Variants in ZZEF1 observed in about 807,000 individuals in gnomAD.
ZZEF1 encodes the protein zinc finger ZZ-type and EF-hand domain containing 1.
Under a neutral mutation model 342.8 loss-of-function variants are expected in ZZEF1, and 157 were observed. The observed-to-expected ratio is 0.46, with a 90% CI of 0.40 to 0.52. ZZEF1 has a LOEUF of 0.52. ZZEF1 is among the 20% of genes least tolerant of loss of function. The pLI is 0.00. For synonymous variants in ZZEF1, 1,505 were observed against 1,429.1 expected (o/e 1.05, Z -1.20); for missense variants, 3,480 against 3,725.6 (o/e 0.93, Z 1.72).
intron 11 of ZZEF1, among the ~76,000 whole-genome samples, chr17:4,092,080 A>C (rs1295135589): frequency 3.5e-5 from 1 of 28,580 alleles, no homozygotes; most frequent in African/African-American, 6.3e-5. Context: ...CCACCTCAAA[A>C]AAAAAAAAAA....
chr17:4,116,855 CT>C, intron 3 of ZZEF1, 116 bp downstream of exon 3: 1 of 1,093,040 alleles, frequency 9.1e-7, no homozygotes, highest in Non-Finnish European at 1.3e-6. Context: ...ACGTTACAAA[CT>C]CATGACTCTG....
rs1461775044 is a variant in ZZEF1, at chr17:4,014,487, T to C, written c.8174A>G (p.Tyr2725Cys). The change falls in exon 50 of 55, where the codon TAC becomes TGC. Residue 2725 changes from tyrosine to cysteine, a missense_variant. Coordinates refer to ENST00000381638, the MANE Select transcript of ZZEF1 (RefSeq NM_015113.4). This position sits in a 1 kb window ranked among gnomAD's most constrained non-coding sequence, Gnocchi z 4.4. Reference protein sequence around the residue: ...EDKVHIPGAIYLSIKFDSQCN... With the variant: ...EDKVHIPGAICLSIKFDSQCN... ...CTGAGAGTCGAATTTGATTGAGAGG[T>C]AGATGGCACCAGGAATGTGAACTTT... 1.9e-6 allele frequency: 3 copies of C among 1,613,898 alleles called. No homozygotes were observed. Among genetic ancestry groups the C allele is most frequent in the Non-Finnish European group, 2.5e-6 (3 of 1,180,006 alleles).
At position 4,067,204 on chromosome 17, in the gene ZZEF1, C is replaced by T; in HGVS notation, c.4114G>A (p.Ala1372Thr). 2 of 1,613,402 alleles carry T rather than the reference C, an allele frequency of 1.2e-6. 1 individual carries two copies. Among genetic ancestry groups the T allele is most frequent in the South Asian group, 2.2e-5 (2 of 90,942 alleles). ...CCATCTGCCAAGGAATAAACCTGGG[C>T]AAACTCTTCACTCAGGGCTATTTTG... ...GGKIALSEEF[A>T]QVYSLADGIR... is the part of the protein sequence containing the mutation. The change falls in exon 27 of 55, where the codon GCC becomes ACC. Residue 1372 changes from alanine (A) to threonine (T), a missense_variant. Ala to Thr is a moderately conservative substitution (Grantham distance 58). Around this residue, in one of 5 missense-constraint regions of ZZEF1, gnomAD observed 1,528 missense variants for 1,624.1 expected, o/e 0.94. Transcript: ENST00000381638.
At chr17:4,019,577 G>C in intron 46 of ZZEF1, 92 bp downstream of exon 46, 1 of 1,165,138 alleles carries the variant, frequency 8.6e-7, no homozygotes, top group Non-Finnish European at 1.2e-6. Context: ...AGCGTCGATC[G>C]ATCCAGAAGC....
intron 33 of ZZEF1, among the ~76,000 whole-genome samples, chr17:4,054,875 T>A (rs1339955222): frequency 1.3e-5 from 2 of 151,944 alleles, no homozygotes; most frequent in Non-Finnish European, 2.9e-5. Context: ...TGGGACTGAG[T>A]AGTAGGCGGG....
chr17:4,105,720 A>C lies in ZZEF1; in HGVS notation c.1367T>G (p.Val456Gly). The change falls in exon 7 of 55, where the codon GTG (valine) becomes GGG (glycine). Residue 456 changes from valine (V) to glycine (G), a missense_variant. By Grantham distance (109) the Val-to-Gly change is moderately radical (BLOSUM62 -3). Transcript: ENST00000381638. ...TFLSPNVLEE[V>G]DSFLIRITSC... ...AGTTATCCTTATGAGGAAACTGTCC[A>C]CTTCTTCCAGCACATTAGGGGAGAG... 3 of 1,613,370 alleles carry C rather than the reference A, an allele frequency of 1.9e-6. No homozygotes were observed. Among genetic ancestry groups the C allele is most frequent in the Non-Finnish European group, 1.7e-6 (2 of 1,179,698 alleles).
intron 28 of ZZEF1, among the ~76,000 whole-genome samples, chr17:4,065,369 C>T (rs2057371880): frequency 6.6e-6 from 1 of 151,154 alleles, no homozygotes; most frequent in Non-Finnish European, 1.5e-5. Flanking sequence ...TGCATTCCAG[C>T]TTGGGCGAAA....
intron 1 of ZZEF1, 37 bp from the exon 2 acceptor site, chr17:4,124,088 T>G: frequency 6.4e-7 from 1 of 1,570,822 alleles, no homozygotes; most frequent in Non-Finnish European, 8.6e-7. Flanking sequence ...CAGGGCTGTT[T>G]CAAGTAAACG....
chr17:4,130,573 C>T (rs910199916), intron 1 of ZZEF1, among the ~76,000 whole-genome samples: 1 of 151,942 alleles, frequency 6.6e-6, no homozygotes, highest in Non-Finnish European at 1.5e-5. Context: ...GAAGTAGAGC[C>T]AACAGACAAA....
At chr17:4,118,836 T>C (rs774825442) in intron 2 of ZZEF1, among the ~76,000 whole-genome samples, 2 of 152,200 alleles carry the variant, frequency 1.3e-5, no homozygotes, top group Non-Finnish European at 2.9e-5. Flanking sequence ...ATTTCAGACT[T>C]ATTTCCCACC....
chr17:4,041,944 T>C (rs972566178), intron 39 of ZZEF1, among the ~76,000 whole-genome samples: 3 of 152,046 alleles, frequency 2.0e-5, no homozygotes, highest in Admixed American at 6.5e-5. Flanking sequence ...ATTTAGGCTA[T>C]ATGTATAAAA....
intron 31 of ZZEF1, 122 bp downstream of exon 31, chr17:4,059,049 T>G: frequency 2.5e-6 from 2 of 806,760 alleles, no homozygotes; most frequent in East Asian, 5.9e-5. Context: ...GTGGTAACAT[T>G]AGAGGTTATT....
chr17:4,136,401 A>G (rs1247453804), intron 1 of ZZEF1, among the ~76,000 whole-genome samples: 3 of 151,982 alleles, frequency 2.0e-5, no homozygotes, highest in Admixed American at 6.5e-5. Flanking sequence ...AACTACAACC[A>G]TAGAAAACAG....
chr17:4,043,046 A>C (rs1001729732), intron 38 of ZZEF1, among the ~76,000 whole-genome samples: 1 of 152,190 alleles, frequency 6.6e-6, no homozygotes, highest in East Asian at 1.9e-4. Context: ...CTTCTCCAGG[A>C]GGCCTGCCTG....
At chr17:4,142,442 G>C (rs751195305) in intron 1 of ZZEF1, 100 bp downstream of exon 1, 40 of 1,269,310 alleles carry the variant, frequency 3.2e-5, no homozygotes, top group Non-Finnish European at 4.3e-5. Flanking sequence ...CCTCATATGG[G>C]TCCCCGCCTG....
intron 2 of ZZEF1, among the ~76,000 whole-genome samples, chr17:4,118,073 A>G (rs1309342489): frequency 6.6e-6 from 1 of 151,928 alleles, no homozygotes; most frequent in Admixed American, 6.6e-5. Context: ...GTAATAGGGA[A>G]CCCCCCATGA....
chr17:4,051,730 A>G (rs1185254495), intron 35 of ZZEF1, among the ~76,000 whole-genome samples: 1 of 150,356 alleles, frequency 6.7e-6, no homozygotes, highest in Non-Finnish European at 1.5e-5. Flanking sequence ...AATTGGCTTT[A>G]AAATACTTTA....
chr17:4,050,308 A>AATC (rs1383867566), intron 36 of ZZEF1, among the ~76,000 whole-genome samples: 1 of 152,054 alleles, frequency 6.6e-6, no homozygotes, highest in African/African-American at 2.4e-5. Context: ...AGGAACTTAG[A>AATC]TGTCTCCAAG....
At chr17:4,013,245 T>C (rs2056012284) in intron 52 of ZZEF1, among the ~76,000 whole-genome samples, 1 of 152,162 alleles carries the variant, frequency 6.6e-6, no homozygotes, top group South Asian at 2.1e-4. Context: ...TAACAGGGAA[T>C]ATCTTCATGA....
Sources: gnomAD v4.1 joint callset for allele counts (sites outside exome capture counted in the v4.1 genomes callset) on GRCh38, gnomAD v4.1.1 for gene constraint, gnomAD v4.1.1 regional missense constraint, Gnocchi (gnomAD v3.1) non-coding constraint, MANE v1.5 for transcripts, NCBI Gene and HGNC (gene_info 2026-07-23, HGNC 2026-07-21) for gene names.